The following CYREN variants were observed in gnomAD, a reference collection of about 807,000 sequenced individuals.
CYREN encodes the protein cell cycle regulator of NHEJ, also known as cell cycle regulator of non-homologous end joining.
In CYREN, 7 loss-of-function variants were observed where a neutral mutation model predicts 9.7. That is an observed-to-expected ratio of 0.72 (90% CI 0.41 to 1.36). The LOEUF (loss-of-function observed/expected upper bound fraction) is 1.36. Among genes scored for constraint, CYREN ranks in the 40% most tolerant of loss-of-function variants. The probability of loss-of-function intolerance (pLI) is 0.01; values close to 1 mark genes in which losing one functional copy is unlikely to be tolerated. For synonymous variants in CYREN, 76 were observed against 77.9 expected, an observed-to-expected ratio of 0.98 and a Z score of 0.13; for missense variants, 215 against 198.1, an observed-to-expected ratio of 1.09 and a Z score of -0.51.
intron 2 of CYREN, chr7:135,128,898 A>C: frequency 7.0e-7 from 1 of 1,437,476 alleles, no homozygotes; most frequent in Non-Finnish European, 9.8e-7. Context: ...TCAGCAGATA[A>C]AATGCTTTAA....
chr7:135,148,887 A>AT (rs989611630), intron 2 of CYREN, among the ~76,000 whole-genome samples: 11 of 152,014 alleles, frequency 7.2e-5, no homozygotes, highest in Admixed American at 2.0e-4. Context: ...ATTTTAAGAG[A>AT]TTTTTTTTAA....
rs540756958 is a variant in CYREN at position 135,110,754 on chromosome 7, C to T, written n.357-16172G>A. 5.3e-5 allele frequency among the ~76,000 whole-genome samples: 8 copies of T among 152,296 alleles called. No homozygotes were observed. In the South Asian group the frequency reaches 1.2e-3, roughly 24 times the overall value. On this transcript the variant is annotated intron_variant and non_coding_transcript_variant, in intron 2 of 2. Coordinates refer to the CYREN transcript ENST00000459937. ...CTCCTTCAGTTTCTCTCCATGAGAG[C>T]GACAAATGCAAGCTCCATCTAGCCA... is the stretch of plus-strand genomic sequence containing the variant.
chr7:135,154,540 T>C, intron 2 of CYREN, among the ~76,000 whole-genome samples: 1 of 152,194 alleles, frequency 6.6e-6, no homozygotes, highest in East Asian at 1.9e-4. Flanking sequence ...CCTGCAGGAT[T>C]TAGTACAATG....
chr7:135,135,313 T>C, intron 2 of CYREN: 5 of 1,379,536 alleles, frequency 3.6e-6, no homozygotes, highest in South Asian at 1.9e-5. Context: ...CATATGCTTA[T>C]GTAGTAAAAA....
At chr7:135,164,649 C>G (rs1285018225), downstream of CYREN, 1 of 1,613,192 alleles carries the variant, frequency 6.2e-7, no homozygotes, top group East Asian at 2.2e-5. Context: ...GTTCCCTGAG[C>G]TGGAAGCCCT....
rs539713195 is a variant in CYREN at position 135,095,209 on chromosome 7, C to T, written n.357-627G>A. On this transcript the variant is annotated intron_variant and non_coding_transcript_variant, in intron 2 of 2. Transcript: ENST00000459937. ...TTGGAGGAAGAAAAGCTAAGAAACACTTATTAAGGTCATAGCCCAGGAACA... is the reference window on the plus strand; with the variant it reads ...TTGGAGGAAGAAAAGCTAAGAAACATTTATTAAGGTCATAGCCCAGGAACA... 1.8e-4 allele frequency among the ~76,000 whole-genome samples: 28 copies of T among 152,258 alleles called. No homozygotes were observed. In the South Asian group the frequency reaches 4.4e-3, roughly 24 times the overall value.
At chr7:135,104,952 C>A (rs1290778782) in intron 2 of CYREN, among the ~76,000 whole-genome samples, 1 of 151,244 alleles carries the variant, frequency 6.6e-6, no homozygotes, top group Non-Finnish European at 1.5e-5. Context: ...TCAATTTTTG[C>A]TTTTGTTGTG....
chr7:135,160,019 TATAA>T (rs1829887912), intron 2 of CYREN, among the ~76,000 whole-genome samples: 2 of 152,212 alleles, frequency 1.3e-5, no homozygotes, highest in African/African-American at 2.4e-5. Flanking sequence ...ATGTATAAAC[TATAA>T]ACTATGATAC....
At chr7:135,139,582 T>A (rs1829415850) in intron 2 of CYREN, among the ~76,000 whole-genome samples, 1 of 152,060 alleles carries the variant, frequency 6.6e-6, no homozygotes, top group South Asian at 2.1e-4. Context: ...TTTAATTAGG[T>A]CCCACTTGTA....
intron 1 of CYREN, chr7:135,169,463 T>C (rs2278126): frequency 0.48 from 73,517 of 152,124 alleles, 18,066 homozygotes; most frequent in South Asian, 0.65. Flanking sequence ...TCGATTTCTC[T>C]ACTCTTCTAT....
At chr7:135,143,801 G>T (rs1829495225) in intron 2 of CYREN, among the ~76,000 whole-genome samples, 1 of 152,164 alleles carries the variant, frequency 6.6e-6, no homozygotes, top group Admixed American at 6.5e-5. Context: ...TAGGAAAATT[G>T]TCCTAAGGAC....
downstream of CYREN, among the ~76,000 whole-genome samples, chr7:135,162,649 T>C (rs1397575669): frequency 6.6e-6 from 1 of 152,198 alleles, no homozygotes; most frequent in Non-Finnish European, 1.5e-5. Context: ...ATGAGTACAG[T>C]ATGGGGGAAA....
chr7:135,098,174 A>T (rs946302334), intron 2 of CYREN, among the ~76,000 whole-genome samples: 2 of 152,170 alleles, frequency 1.3e-5, no homozygotes, highest in Non-Finnish European at 2.9e-5. Context: ...TACAAGTCTA[A>T]ATACCTGCCG....
chr7:135,131,079 G>A (rs1828693234), intron 2 of CYREN, among the ~76,000 whole-genome samples: 1 of 152,008 alleles, frequency 6.6e-6, no homozygotes, highest in African/African-American at 2.4e-5. Flanking sequence ...TTGTCAAAGA[G>A]GATGCTTAAT....
intron 2 of CYREN, among the ~76,000 whole-genome samples, chr7:135,099,404 A>G: frequency 6.6e-6 from 1 of 152,220 alleles, no homozygotes; most frequent in East Asian, 1.9e-4. Flanking sequence ...GGTTAATTGA[A>G]GATAAGCTCA....
At chr7:135,107,087 G>C (rs926105786) in intron 2 of CYREN, among the ~76,000 whole-genome samples, 1 of 151,778 alleles carries the variant, frequency 6.6e-6, no homozygotes, top group Non-Finnish European at 1.5e-5. Context: ...GTGATTCTTT[G>C]GATCTTCTCT....
chr7:135,130,721 T>G (rs1828623213), intron 2 of CYREN, among the ~76,000 whole-genome samples: 1 of 152,192 alleles, frequency 6.6e-6, no homozygotes, highest in African/African-American at 2.4e-5. Context: ...TCTATACCAC[T>G]GTAGTTCCAG....
chr7:135,096,477 C>T (rs2116965823), intron 2 of CYREN, among the ~76,000 whole-genome samples: 1 of 148,308 alleles, frequency 6.7e-6, no homozygotes, highest in African/African-American at 2.5e-5. Flanking sequence ...AGAACATATA[C>T]AACTAGGAAG....
chr7:135,155,322 A>G (rs10242377), intron 2 of CYREN, among the ~76,000 whole-genome samples: 73,390 of 151,674 alleles, frequency 0.48, 18,059 homozygotes, highest in South Asian at 0.66. Context: ...TAATCCATTT[A>G]CATTCAAGGT....
Sources: gnomAD v4.1 joint callset for allele counts (sites outside exome capture counted in the v4.1 genomes callset) on GRCh38, gnomAD v4.1.1 for gene constraint, MANE v1.5 for transcripts, NCBI Gene and HGNC (gene_info 2026-07-23, HGNC 2026-07-21) for gene names.